The following BAHD1 variants were observed in gnomAD, a reference collection of about 807,000 sequenced individuals.
BAHD1 encodes bromo adjacent homology domain-containing 1 protein.
Under a neutral mutation model 63.1 loss-of-function variants are expected in BAHD1, and 20 were observed. The observed-to-expected ratio is 0.32, with a 90% CI of 0.22 to 0.46. The LOEUF (loss-of-function observed/expected upper bound fraction) is 0.46, where lower values mean the gene tolerates loss of function less well. Ranked by LOEUF, BAHD1 falls within the 20% of genes least tolerant of loss-of-function variation. BAHD1 has a pLI of 1.00. For synonymous variants in BAHD1, 408 were observed against 426.8 expected (o/e 0.96, Z 0.54); for missense variants, 939 against 1,071.8 (o/e 0.88, Z 1.73).
In BAHD1 at chr15:40,460,595, G is replaced by A. The variant is rs147363835; in HGVS notation, c.1432+699G>A. On this transcript the variant is annotated intron_variant, in intron 2 of 6. Transcript: ENST00000416165. ...CCTGACAAGACCCAGACACCTGAGAGGCCCATGCTCCGGCTGTTGAGACAC... is the reference window on the plus strand; with the variant it reads ...CCTGACAAGACCCAGACACCTGAGAAGCCCATGCTCCGGCTGTTGAGACAC... 8.5e-4 allele frequency among the ~76,000 whole-genome samples: 129 copies of A among 152,286 alleles called. 2 individuals carry two copies. The highest frequency in any genetic ancestry group is 7.7e-3 in the Admixed American group (118 of 15,300).
intron 4 of BAHD1, 62 bp from the exon 5 acceptor site, chr15:40,464,409 T>C (rs1894143268): frequency 1.4e-6 from 2 of 1,435,718 alleles, no homozygotes; most frequent in South Asian, 1.2e-5. Flanking sequence ...AGCCAGCCTC[T>C]CTGCCTGTCT....
chr15:40,442,118 C>T (rs1286552169), intron 1 of BAHD1, among the ~76,000 whole-genome samples: 1 of 152,172 alleles, frequency 6.6e-6, no homozygotes, highest in Non-Finnish European at 1.5e-5. Flanking sequence ...CTGCTCGCTC[C>T]GCCGCCTCTC....
At position 40,459,699 on chromosome 15, in the gene BAHD1, A is replaced by G; in HGVS notation, c.1235A>G (p.Glu412Gly). The G allele has an allele frequency of 6.2e-7, 1 of 1,614,000 alleles. No homozygotes were observed. Among genetic ancestry groups the G allele is most frequent in the Non-Finnish European group, 8.5e-7 (1 of 1,179,984 alleles). Residue 412 changes from glutamate to glycine, a missense_variant, in exon 2 of 7, where the codon GAG becomes GGG. Transcript: ENST00000416165. ...CTGTCCCCAGTGGCTGCACCTCACG[A>G]GGAGGGGCTCCTCTTAGCTCCGAGC... ...GKLSPVAAPH[E>G]EGLLLAPSSV...
In BAHD1 at chr15:40,458,063, G is replaced by T. The variant is rs1169746535; in HGVS notation, c.-14-388G>T. ...TACCACCCAGTCCCCCATCTTGGGA[G>T]GCTCTGTCTTCAGAGCCTCTTCCTA... On this transcript the variant is annotated intron_variant, in intron 1 of 6. Coordinates refer to ENST00000416165, the MANE Select transcript of BAHD1 (RefSeq NM_014952.5). The surrounding 1 kb of genome is among the most constrained non-coding windows in gnomAD (Gnocchi z 4.7). 6.6e-6 allele frequency among the ~76,000 whole-genome samples: 1 copy of T among 152,136 alleles called. No homozygotes were observed. The highest frequency in any genetic ancestry group is 2.4e-5 in the African/African-American group (1 of 41,424).
chr15:40,452,841 C>A (rs1893745429), intron 1 of BAHD1, among the ~76,000 whole-genome samples: 1 of 152,220 alleles, frequency 6.6e-6, no homozygotes, highest in Non-Finnish European at 1.5e-5. Flanking sequence ...ACACCCGGCC[C>A]TCTTGCTGAG....
intron 1 of BAHD1, among the ~76,000 whole-genome samples, chr15:40,445,223 G>A (rs1196497734): frequency 7.6e-6 from 1 of 131,738 alleles, no homozygotes; most frequent in African/African-American, 2.9e-5. Flanking sequence ...CATCCCCGGT[G>A]CAAATTAAAA....
rs1365644659 is a variant in BAHD1 at position 40,458,690 on chromosome 15, C to T, written c.226C>T (p.Arg76Cys). The T allele has an allele frequency of 4.3e-6, 7 of 1,613,868 alleles. No individual in the cohort carries two copies. The highest frequency in any genetic ancestry group is 2.2e-5 in the South Asian group (2 of 91,080). ...KPKACKVLLT[R>C]LENVAGPRSA... The stretch of plus-strand genomic sequence containing the variant: ...CAAGGCCTGCAAAGTGCTGCTGACT[C>T]GCCTGGAGAATGTGGCCGGTCCCCG... The change falls in exon 2 of 7, where the codon CGC becomes TGC. Residue 76 changes from arginine (R) to cysteine (C), a missense_variant. Transcript: ENST00000416165. This position sits in a 1 kb window ranked among gnomAD's most constrained non-coding sequence, Gnocchi z 4.7.
At chr15:40,446,422 T>C (rs1386907976) in intron 1 of BAHD1, among the ~76,000 whole-genome samples, 1 of 152,218 alleles carries the variant, frequency 6.6e-6, no homozygotes, top group Non-Finnish European at 1.5e-5. Context: ...TCCAGGACTT[T>C]GTGTTGTGTC....
intron 1 of BAHD1, among the ~76,000 whole-genome samples, chr15:40,456,368 A>G (rs961305117): frequency 1.3e-5 from 2 of 152,082 alleles, no homozygotes; most frequent in Non-Finnish European, 2.9e-5. Context: ...GATGCCTGGG[A>G]TTTTTTAGGA....
At chr15:40,449,269 A>G (rs1893635188) in intron 1 of BAHD1, among the ~76,000 whole-genome samples, 1 of 152,122 alleles carries the variant, frequency 6.6e-6, no homozygotes, top group Admixed American at 6.5e-5. Flanking sequence ...AACATTGACC[A>G]TCCTTTTACA....
At chr15:40,441,956 C>G (rs1322564804) in intron 1 of BAHD1, among the ~76,000 whole-genome samples, 1 of 151,418 alleles carries the variant, frequency 6.6e-6, no homozygotes, top group Non-Finnish European at 1.5e-5. Flanking sequence ...GGAAGGGGAC[C>G]GGTTCGAAAA....
intron 1 of BAHD1, among the ~76,000 whole-genome samples, chr15:40,451,248 C>G (rs951041243): frequency 6.6e-6 from 1 of 152,160 alleles, no homozygotes; most frequent in Non-Finnish European, 1.5e-5. Context: ...TGCCCACTCC[C>G]TACTGGGCTT....
chr15:40,446,100 G>A (rs1893533420), intron 1 of BAHD1, among the ~76,000 whole-genome samples: 3 of 152,252 alleles, frequency 2.0e-5, no homozygotes, highest in Admixed American at 2.0e-4. Context: ...AGAGGACAGG[G>A]AGTTCTTGGA....
At chr15:40,465,511 C>T (rs1415895537) in intron 6 of BAHD1, 76 bp downstream of exon 6, 3 of 1,134,614 alleles carry the variant, frequency 2.6e-6, no homozygotes, top group East Asian at 2.4e-5. Context: ...GCTTGGAATT[C>T]CCCGAGAGGA....
Position 40,458,976 on chromosome 15 carries a change from C to T in BAHD1, c.512C>T (p.Pro171Leu). ...GGCTGGTCCTCCTCCAAGAAGCGGCCCCGGCTGGGGGACCTTGGAGGAGGA... is the reference window on the plus strand; with the variant it reads ...GGCTGGTCCTCCTCCAAGAAGCGGCTCCGGCTGGGGGACCTTGGAGGAGGA... ...TGGWSSSKKR[P>L]RLGDLGGGSR... Residue 171 changes from proline to leucine, a missense_variant, in exon 2 of 7, where the codon CCC becomes CTC. Pro to Leu is a moderately conservative substitution (Grantham distance 98, BLOSUM62 -3). Coordinates refer to ENST00000416165, the MANE Select transcript of BAHD1 (RefSeq NM_014952.5). This position sits in a 1 kb window ranked among gnomAD's most constrained non-coding sequence, Gnocchi z 4.7. 6.3e-7 allele frequency: 1 copy of T among 1,584,370 alleles called. No individual in the cohort carries two copies.
rs774652133 is a variant in BAHD1, at chr15:40,458,984, G to A, written c.520G>A (p.Gly174Arg). 1.3e-6 allele frequency: 2 copies of A among 1,584,202 alleles called. No homozygotes were observed. Among genetic ancestry groups the A allele is most frequent in the Non-Finnish European group, 1.7e-6 (2 of 1,163,066 alleles). Residue 174 changes from glycine to arginine, a missense_variant, in exon 2 of 7, where the codon GGG (glycine) becomes AGG (arginine). By Grantham distance (125) the Gly-to-Arg change is moderately radical (BLOSUM62 -2). Transcript: ENST00000416165. This position sits in a 1 kb window ranked among gnomAD's most constrained non-coding sequence, Gnocchi z 4.7. ...WSSSKKRPRL[G>R]DLGGGSRDLS... ...CTCCTCCAAGAAGCGGCCCCGGCTG[G>A]GGGACCTTGGAGGAGGAAGTCGGGA...
chr15:40,442,579 TCTC>T (rs753763190), intron 1 of BAHD1, among the ~76,000 whole-genome samples: 16 of 152,152 alleles, frequency 1.1e-4, no homozygotes, highest in African/African-American at 1.7e-4. Context: ...ACCTGGGACA[TCTC>T]CTAGTCGCCC....
chr15:40,456,777 A>C (rs1893862455), intron 1 of BAHD1, among the ~76,000 whole-genome samples: 1 of 152,210 alleles, frequency 6.6e-6, no homozygotes, highest in Non-Finnish European at 1.5e-5. Context: ...CAGCAATAGC[A>C]GTGGGGAAAT....
At position 40,466,294 on chromosome 15, in the gene BAHD1, A is replaced by T; in HGVS notation, c.*164A>T. The T allele has an allele frequency of 7.9e-6, 5 of 634,764 alleles. No individual in the cohort carries two copies. The highest frequency in any genetic ancestry group is 3.2e-5 in the Admixed American group (1 of 31,178). The allele number at this position is 634,764 out of a possible 1,614,324, so 39.3% of individuals were successfully genotyped here. On this transcript the variant is annotated 3_prime_UTR_variant, in exon 7 of 7. Transcript: ENST00000416165. ...GGGGCCCCTGTGGGTTCTGGGCTCCAGGGGAGGGAGCTGGGGAGGCCAGGG... is the reference window on the plus strand; with the variant it reads ...GGGGCCCCTGTGGGTTCTGGGCTCCTGGGGAGGGAGCTGGGGAGGCCAGGG...
Sources: allele counts gnomAD v4.1 joint callset (sites outside exome capture counted in the v4.1 genomes callset), GRCh38; gene constraint gnomAD v4.1.1; non-coding constraint Gnocchi (gnomAD v3.1); transcripts MANE v1.5; gene names NCBI Gene and HGNC (gene_info 2026-07-23, HGNC 2026-07-21).